Variants in SCLT1 observed in about 807,000 individuals in gnomAD.
SCLT1 encodes the protein sodium channel-associated protein 1.
SCLT1 carries 78 observed loss-of-function variants against 112.8 expected under a neutral mutation model. The observed-to-expected ratio is 0.69, with a 90% CI of 0.58 to 0.83. The LOEUF (loss-of-function observed/expected upper bound fraction) is 0.83, where lower values mean the gene tolerates loss of function less well. Ranked by LOEUF, SCLT1 falls within the 40% of genes least tolerant of loss-of-function variation. SCLT1 has a pLI of 0.00. For missense variants in SCLT1, 747 were observed against 770.4 expected (o/e 0.97, Z 0.36); for synonymous variants, 257 against 254.7 (o/e 1.01, Z -0.09).
At chr4:128,956,163 T>C (rs1739198060) in intron 13 of SCLT1, among the ~76,000 whole-genome samples, 1 of 152,218 alleles carries the variant, frequency 6.6e-6, no homozygotes, top group African/African-American at 2.4e-5. Context: ...TCTACTTAGA[T>C]TATTTAAAGC....
chr4:129,067,729 C>T (rs1561044684), intron 2 of SCLT1, among the ~76,000 whole-genome samples: 1 of 152,150 alleles, frequency 6.6e-6, no homozygotes, highest in East Asian at 1.9e-4. Context: ...CCAGGCTGGC[C>T]TTAAACTCCT....
chr4:128,875,625 G>A (rs904556683), intron 4 of SCLT1, among the ~76,000 whole-genome samples: 3 of 152,180 alleles, frequency 2.0e-5, no homozygotes, highest in African/African-American at 7.2e-5. Flanking sequence ...TAACATCTTA[G>A]TAACTTAGAT....
rs1278336611 is a variant in SCLT1 at position 129,082,386 on chromosome 4, G to A, written c.35-13C>T. 1.9e-6 allele frequency: 3 copies of A among 1,558,568 alleles called. No homozygotes were observed. Among genetic ancestry groups the A allele is most frequent in the South Asian group, 1.2e-5 (1 of 84,436 alleles). Reference sequence around the variant, plus strand: ...TTTAGTCTTCGATCTGAAACAAGCGGGAAAACAGATTTCAGTTCATTGAGT... The same window carrying A: ...TTTAGTCTTCGATCTGAAACAAGCGAGAAAACAGATTTCAGTTCATTGAGT... On this transcript the variant is annotated splice_polypyrimidine_tract_variant and intron_variant, in intron 1 of 20. Transcript: ENST00000281142.
rs1182196248 is a variant in SCLT1 at position 128,997,759 on chromosome 4, A to C, written c.615+115T>G. 5.8e-6 allele frequency: 3 copies of C among 517,156 alleles called. No individual in the cohort carries two copies. In the East Asian group the frequency reaches 1.1e-4, roughly 19 times the overall value. 32.0% of individuals were successfully genotyped at this position (517,156 alleles called of 1,614,324 possible). A position where few individuals can be genotyped will look rare whatever the true frequency, so the allele number is the denominator to read the frequency against. The stretch of plus-strand genomic sequence containing the variant: ...TTGAATGAGAAAGCAAAAGCAAAAG[A>C]AAAAACAGTATTATCTAATTTCGTG... On this transcript the variant is annotated intron_variant, in intron 8 of 20. Coordinates refer to ENST00000281142, the MANE Select transcript of SCLT1 (RefSeq NM_144643.4).
At chr4:129,056,185 T>G (rs2125721425) in intron 2 of SCLT1, among the ~76,000 whole-genome samples, 1 of 152,320 alleles carries the variant, frequency 6.6e-6, no homozygotes, top group African/African-American at 2.4e-5. Flanking sequence ...ACCCACCTTC[T>G]GCATTGGTCT....
intron 5 of SCLT1, among the ~76,000 whole-genome samples, chr4:129,027,160 C>T (rs955222434): frequency 1.3e-5 from 2 of 152,126 alleles, no homozygotes; most frequent in Admixed American, 1.3e-4. Flanking sequence ...GAAACTATTC[C>T]AATCAATAGA....
chr4:129,022,902 T>A (rs1449215357), intron 5 of SCLT1, among the ~76,000 whole-genome samples: 1 of 152,148 alleles, frequency 6.6e-6, no homozygotes, highest in African/African-American at 2.4e-5. Flanking sequence ...GAGAGAAAGG[T>A]CAGGTTACCT....
At position 128,969,599 on chromosome 4, in the gene SCLT1, A is replaced by G. The variant is rs1008036834; in HGVS notation, c.777+779T>C. The stretch of plus-strand genomic sequence containing the variant: ...AAATAAAATAAAATAAAATAAAATA[A>G]ATTTCCTACTGCTTTTCTAGCCCTA... On this transcript the variant is annotated intron_variant, in intron 10 of 20. Coordinates refer to ENST00000281142, the MANE Select transcript of SCLT1 (RefSeq NM_144643.4). 2.6e-5 allele frequency among the ~76,000 whole-genome samples: 4 copies of G among 151,844 alleles called. 1 individual carries two copies. The highest frequency in any genetic ancestry group is 5.9e-5 in the Non-Finnish European group (4 of 67,960).
chr4:128,887,004 A>T (rs1359886443), intron 20 of SCLT1, among the ~76,000 whole-genome samples: 1 of 152,218 alleles, frequency 6.6e-6, no homozygotes, highest in Admixed American at 6.5e-5. Context: ...ACTTACCACT[A>T]TAGGAAATGC....
chr4:129,045,798 CTTAA>C (rs1220410667), intron 2 of SCLT1, among the ~76,000 whole-genome samples: 29 of 151,976 alleles, frequency 1.9e-4, no homozygotes, highest in Non-Finnish European at 1.2e-4. Context: ...TAAACTTTCA[CTTAA>C]TTAATTTTTA....
chr4:128,906,344 C>T (rs1488177523), intron 18 of SCLT1, among the ~76,000 whole-genome samples: 4 of 152,050 alleles, frequency 2.6e-5, no homozygotes, highest in Non-Finnish European at 5.9e-5. Flanking sequence ...ATTACAGGTG[C>T]CCACCACCAC....
intron 18 of SCLT1, among the ~76,000 whole-genome samples, chr4:128,917,856 G>A (rs1374352160): frequency 6.6e-6 from 1 of 152,042 alleles, no homozygotes; most frequent in African/African-American, 2.4e-5. Context: ...AAAGGGGTGT[G>A]GTGGAGAGAT....
intron 2 of SCLT1, among the ~76,000 whole-genome samples, chr4:129,063,885 T>C (rs1750226451): frequency 6.6e-6 from 1 of 152,216 alleles, no homozygotes; most frequent in African/African-American, 2.4e-5. Context: ...TTACTCACTA[T>C]GCTCTCACTT....
intron 18 of SCLT1, among the ~76,000 whole-genome samples, chr4:128,910,389 C>T (rs918265265): frequency 6.6e-6 from 1 of 152,158 alleles, no homozygotes; most frequent in African/African-American, 2.4e-5. Flanking sequence ...AGATTTGCAT[C>T]GATACTTTTG....
At chr4:129,012,716 T>C (rs1486144038) in intron 5 of SCLT1, among the ~76,000 whole-genome samples, 1 of 152,146 alleles carries the variant, frequency 6.6e-6, no homozygotes, top group Admixed American at 6.5e-5. Context: ...GTTGGGTACA[T>C]ATATATTTAG....
chr4:129,059,687 C>T (rs1749777803), intron 2 of SCLT1, among the ~76,000 whole-genome samples: 1 of 152,124 alleles, frequency 6.6e-6, no homozygotes, highest in Non-Finnish European at 1.5e-5. Context: ...CTCTCCTGTT[C>T]TATAAGGTTT....
At chr4:128,898,300 G>C (rs1454649159) in intron 18 of SCLT1, among the ~76,000 whole-genome samples, 4 of 152,170 alleles carry the variant, frequency 2.6e-5, no homozygotes, top group South Asian at 2.1e-4. Context: ...AAATGTAAAA[G>C]AGCAGAAATT....
intron 6 of SCLT1, 46 bp downstream of exon 6, chr4:129,003,695 G>T (rs1455990160): frequency 1.2e-5 from 16 of 1,387,954 alleles, no homozygotes; most frequent in Non-Finnish European, 1.6e-5. Context: ...TTTTTAAAAA[G>T]GTATGTTAAT....
intron 6 of SCLT1, among the ~76,000 whole-genome samples, chr4:129,002,907 C>G (rs112345463): frequency 0.28 from 41,812 of 151,980 alleles, 6,048 homozygotes; most frequent in South Asian, 0.36. Context: ...CTAGAAATAC[C>G]ATTTGATCCA....
Sources: gnomAD v4.1 joint callset for allele counts (sites outside exome capture counted in the v4.1 genomes callset) on GRCh38, gnomAD v4.1.1 for gene constraint, MANE v1.5 for transcripts, NCBI Gene and HGNC (gene_info 2026-07-23, HGNC 2026-07-21) for gene names.